The following SOD2 variants were observed in gnomAD, a reference collection of about 807,000 sequenced individuals.
SOD2 encodes superoxide dismutase [Mn], mitochondrial.
Under a neutral mutation model 27.0 loss-of-function variants are expected in SOD2, and 11 were observed. The observed-to-expected ratio is 0.41, with a 90% CI of 0.26 to 0.67. The LOEUF (loss-of-function observed/expected upper bound fraction) is 0.67. Ranked by LOEUF, SOD2 falls within the 30% of genes least tolerant of loss-of-function variation. The probability of loss-of-function intolerance (pLI) is 0.34; values close to 1 mark genes in which losing one functional copy is unlikely to be tolerated. For missense variants in SOD2, 250 were observed against 274.5 expected (o/e 0.91, Z 0.63); for synonymous variants, 105 against 103.0 (o/e 1.02, Z -0.12).
intron 1 of SOD2, among the ~76,000 whole-genome samples, chr6:159,699,805 C>G (rs1206732082): frequency 6.6e-6 from 1 of 152,120 alleles, no homozygotes; most frequent in African/African-American, 2.4e-5. Context: ...AACCCAGGGG[C>G]TGCACTCCAC....
intron 1 of SOD2, 51 bp from the exon 2 acceptor site, chr6:159,692,914 C>T: frequency 1.3e-6 from 2 of 1,482,664 alleles, no homozygotes; most frequent in Middle Eastern, 4.7e-4. Context: ...GGACCGTCTA[C>T]GCAGGCTGGG....
intron 1 of SOD2, chr6:159,720,646 T>G (rs2114837545): frequency 6.6e-6 from 1 of 152,292 alleles, no homozygotes; most frequent in Non-Finnish European, 1.5e-5. Context: ...AGCTGCTCAA[T>G]AACTATTTAT....
intron 1 of SOD2, chr6:159,755,499 A>G (rs146208471): frequency 5.7e-4 from 920 of 1,614,212 alleles, no homozygotes; most frequent in Non-Finnish European, 6.6e-4. Context: ...GACTCCAGTC[A>G]TGACCCTCAA....
intron 1 of SOD2, among the ~76,000 whole-genome samples, chr6:159,757,541 T>C (rs1270416768): frequency 3.3e-5 from 5 of 151,828 alleles, no homozygotes; most frequent in Middle Eastern, 3.2e-3. Flanking sequence ...GACTCCTGAG[T>C]AGCTGGGATT....
chr6:159,716,868 G>A (rs1050680249), intron 1 of SOD2, among the ~76,000 whole-genome samples: 1 of 152,128 alleles, frequency 6.6e-6, no homozygotes, highest in African/African-American at 2.4e-5. Context: ...TTCATCTCCT[G>A]GCCTGAAGAT....
chr6:159,698,571 CAAAAAAAAAAA>C (rs66652436), intron 1 of SOD2, among the ~76,000 whole-genome samples: 1,344 of 95,720 alleles, frequency 0.014, 12 homozygotes, highest in Non-Finnish European at 0.018. Context: ...GACCTTGTCT[CAAAAAAAAAAA>C]AAAAAAAAAA....
upstream of SOD2, among the ~76,000 whole-genome samples, chr6:159,731,201 AC>A (rs1420864386): frequency 6.6e-6 from 1 of 151,864 alleles, no homozygotes; most frequent in Admixed American, 6.6e-5. Context: ...GTGGCTCACA[AC>A]TGTAGTCCCA....
At chr6:159,743,992 A>G (rs778263363) in intron 1 of SOD2, among the ~76,000 whole-genome samples, 1 of 152,132 alleles carries the variant, frequency 6.6e-6, no homozygotes, top group Non-Finnish European at 1.5e-5. Flanking sequence ...CAAGAAGGCA[A>G]AGTTTTAAGT....
intron 3 of SOD2, among the ~76,000 whole-genome samples, chr6:159,686,837 A>G (rs2114775383): frequency 6.6e-6 from 1 of 152,294 alleles, no homozygotes; most frequent in South Asian, 2.1e-4. Flanking sequence ...TCCGGAGCCC[A>G]GAAACAAGAG....
intron 2 of SOD2, chr6:159,691,752 T>G (rs1247310823): frequency 2.0e-5 from 3 of 151,540 alleles, no homozygotes; most frequent in African/African-American, 7.3e-5. Flanking sequence ...TAACAACATA[T>G]ATTTTAATTG....
chr6:159,734,036 TAAC>T (rs1194799709), intron 1 of SOD2, among the ~76,000 whole-genome samples: 4 of 152,246 alleles, frequency 2.6e-5, no homozygotes, highest in African/African-American at 9.6e-5. Flanking sequence ...CAGGGTTTAA[TAAC>T]AGTATGATTA....
chr6:159,755,760 C>CTTTTGTTTTTTTTTTTT (rs1779984995), intron 1 of SOD2: 1 of 283,704 alleles, frequency 3.5e-6, no homozygotes, highest in Non-Finnish European at 4.7e-6. Context: ...TTTTTTTTTT[C>CTTTTGTTTTTTTTTTTT]TTTTCTTTTT....
chr6:159,722,363 G>A (rs1778059026), intron 1 of SOD2, among the ~76,000 whole-genome samples: 1 of 152,178 alleles, frequency 6.6e-6, no homozygotes, highest in South Asian at 2.1e-4. Flanking sequence ...CAGCCTGGAT[G>A]ACAGAGCAAG....
At chr6:159,733,706 G>T (rs1778730288) in intron 1 of SOD2, among the ~76,000 whole-genome samples, 1 of 151,992 alleles carries the variant, frequency 6.6e-6, no homozygotes, top group Non-Finnish European at 1.5e-5. Flanking sequence ...CTGAGGTCGG[G>T]ATTTCCAGAC....
At chr6:159,693,830 C>T (rs1049558440), upstream of SOD2, among the ~76,000 whole-genome samples, 1 of 152,240 alleles carries the variant, frequency 6.6e-6, no homozygotes, top group South Asian at 2.1e-4. Context: ...ACTCTTGCGC[C>T]GTACCCTTGC....
At chr6:159,751,383 GGTTA>G (rs1272587093) in intron 1 of SOD2, among the ~76,000 whole-genome samples, 9 of 152,296 alleles carry the variant, frequency 5.9e-5, no homozygotes, top group Admixed American at 4.6e-4. Context: ...ATAGTAAGAA[GGTTA>G]GTTGTAAACA....
At position 159,669,131 on chromosome 6, in the gene SOD2, C is replaced by T. The variant is rs545891919; in HGVS notation, c.*13362G>A. The stretch of plus-strand genomic sequence containing the variant: ...ATTTTTGTACATGAAAAAGCTTTCC[C>T]CCTACAACTAATAAGGTACAAATAA... On this transcript the variant is annotated 3_prime_UTR_variant, in exon 5 of 5. Coordinates refer to ENST00000538183, the MANE Select transcript of SOD2 (RefSeq NM_000636.4). 5 of 152,178 alleles carry T rather than the reference C, an allele frequency of 3.3e-5. No individual in the cohort carries two copies. The highest frequency in any genetic ancestry group is 1.9e-4 in the East Asian group (1 of 5,184). The allele number at this position is 152,178 out of a possible 1,614,324, so 9.4% of individuals were successfully genotyped here.
intron 1 of SOD2, among the ~76,000 whole-genome samples, chr6:159,706,741 T>A (rs924323698): frequency 1.3e-5 from 2 of 152,116 alleles, no homozygotes; most frequent in Non-Finnish European, 2.9e-5. Context: ...TATCCAGGAA[T>A]TGAATTCAGC....
At position 159,752,062 on chromosome 6, in the gene SOD2, CAAA is replaced by C. The variant is rs60854821; in HGVS notation, c.-335-3389_-335-3387del. On this transcript the variant is annotated intron_variant, in intron 1 of 7. Coordinates refer to the SOD2 transcript ENST00000546087. The stretch of plus-strand genomic sequence containing the variant: ...TGGCAACACAGTGAGACCCCCATCT[CAAA>C]AAAAAAAAAAAAATGCTGTAGGTGA... 2.7e-3 allele frequency among the ~76,000 whole-genome samples: 261 copies of C among 94,974 alleles called. 1 individual carries two copies. The Middle Eastern group carries it at 0.034, about 12-fold the overall frequency. The allele number at this position is 94,974 out of a possible 152,430, so 62.3% of individuals were successfully genotyped here.
Sources: allele counts gnomAD v4.1 joint callset (sites outside exome capture counted in the v4.1 genomes callset), GRCh38; gene constraint gnomAD v4.1.1; transcripts MANE v1.5; gene names NCBI Gene and HGNC (gene_info 2026-07-23, HGNC 2026-07-21).